DAB2: variants seen among roughly 807,000 people sequenced by gnomAD.
DAB2 encodes DAB adaptor protein 2, also known as disabled homolog 2.
A neutral mutation model predicts 71.6 loss-of-function variants in DAB2; 28 were observed. The observed-to-expected ratio is 0.39, with a 90% confidence interval of 0.29 to 0.54. The LOEUF (loss-of-function observed/expected upper bound fraction) is 0.54, where lower values mean the gene tolerates loss of function less well. Among genes scored for constraint, DAB2 ranks in the 20% least tolerant of loss-of-function variants. The pLI is 0.68. For missense variants in DAB2, 867 were observed against 928.8 expected (o/e 0.93, Z 0.86); for synonymous variants, 345 against 339.7 (o/e 1.02, Z -0.17).
At chr5:39,387,678 TC>T (rs1364562795) in intron 9 of DAB2, 3 of 122,408 alleles carry the variant, frequency 2.5e-5, no homozygotes, top group African/African-American at 9.5e-5. Context: ...TGGACCTCTT[TC>T]CTTTTTATTT....
chr5:39,413,134 T>C (rs3906413), intron 1 of DAB2, among the ~76,000 whole-genome samples: 144,275 of 152,198 alleles, frequency 0.95, 68,756 homozygotes, highest in African/African-American at 0.99. Flanking sequence ...TACAGGGACA[T>C]GGCATCAAAG....
At chr5:39,395,783 T>C (rs1396447584) in intron 1 of DAB2, among the ~76,000 whole-genome samples, 2 of 152,060 alleles carry the variant, frequency 1.3e-5, no homozygotes, top group Non-Finnish European at 2.9e-5. Context: ...TCTTACACAG[T>C]AGGAGACTCA....
chr5:39,382,528 C>T (rs905724163), intron 10 of DAB2, 90 bp downstream of exon 10: 112 of 1,355,696 alleles, frequency 8.3e-5, no homozygotes, highest in Admixed American at 3.9e-4. Flanking sequence ...CAGGAAACTA[C>T]GAGAGCAGCA....
At chr5:39,393,653 A>G (rs983695195) in intron 2 of DAB2, among the ~76,000 whole-genome samples, 9 of 151,938 alleles carry the variant, frequency 5.9e-5, no homozygotes, top group African/African-American at 2.2e-4. Flanking sequence ...GTATGGGAAT[A>G]TGGGAGGTGG....
At position 39,376,052 on chromosome 5, in the gene DAB2, T is replaced by C; in HGVS notation, c.2192A>G (p.Asp731Gly). 1 of 1,614,110 alleles carries C rather than the reference T, an allele frequency of 6.2e-7. No individual in the cohort carries two copies. The highest frequency in any genetic ancestry group is 8.5e-7 in the Non-Finnish European group (1 of 1,179,990). The change falls in exon 13 of 15, where the codon GAC becomes GGC. Residue 731 changes from aspartate (D) to glycine (G), a missense_variant. Around this residue, in one of 2 missense-constraint regions of DAB2, gnomAD observed 740 missense variants for 734.3 expected, o/e 1.01. Coordinates refer to ENST00000320816, the MANE Select transcript of DAB2 (RefSeq NM_001343.4). ...QVSLPVTKST[D>G]NAFENPFFKD... ...AAAGAAAGGGTTCTCAAATGCATTG[T>C]CAGTAGATTTGGTAACTGGCAGGGA...
At chr5:39,385,880 T>C (rs1380517501) in intron 9 of DAB2, among the ~76,000 whole-genome samples, 1 of 152,178 alleles carries the variant, frequency 6.6e-6, no homozygotes, top group Admixed American at 6.5e-5. Flanking sequence ...CCAACTATGA[T>C]CTATTTTCCT....
intron 1 of DAB2, among the ~76,000 whole-genome samples, chr5:39,414,857 T>A (rs1164432032): frequency 6.6e-6 from 1 of 152,132 alleles, no homozygotes; most frequent in Non-Finnish European, 1.5e-5. Flanking sequence ...CCTGGCCATC[T>A]GGTTATTGTT....
At position 39,377,160 on chromosome 5, in the gene DAB2, G is replaced by C. The variant is rs1361980228; in HGVS notation, c.1627C>G (p.Pro543Ala). The C allele has an allele frequency of 6.2e-7, 1 of 1,614,114 alleles. No homozygotes were observed. The highest frequency in any genetic ancestry group is 8.5e-7 in the Non-Finnish European group (1 of 1,180,010). ...MGGQPSGFSQ[P>A]VIFGTSPAVS... is the part of the protein sequence containing the mutation. ...GCTGGACTTGTACCAAAAATGACGG[G>C]CTGACTAAAACCTGAAGGTTGACCA... The change falls in exon 12 of 15, where the codon CCC becomes GCC. Residue 543 changes from proline (P) to alanine (A), a missense_variant. By Grantham distance (27) the Pro-to-Ala change is conservative (BLOSUM62 -1). Coordinates refer to ENST00000320816, the MANE Select transcript of DAB2 (RefSeq NM_001343.4).
rs764927440 is a variant in DAB2, at chr5:39,382,743, G to T, written c.1216C>A (p.Leu406Met). The T allele has an allele frequency of 2.5e-6, 4 of 1,614,176 alleles. No homozygotes were observed. In the South Asian group the frequency reaches 4.4e-5, roughly 18 times the overall value. Residue 406 changes from leucine (L) to methionine (M), a missense_variant, in exon 10 of 15, where the codon CTG (leucine) becomes ATG (methionine). Physicochemically the swap from Leu to Met is conservative, Grantham distance 15. Around this residue, in one of 2 missense-constraint regions of DAB2, gnomAD observed 740 missense variants for 734.3 expected, o/e 1.01. Coordinates refer to ENST00000320816, the MANE Select transcript of DAB2 (RefSeq NM_001343.4). ...NPFVGSPPKG[L>M]SIQNGVKQDL... is the part of the protein sequence containing the mutation. Reference sequence around the variant, plus strand: ...TGCTTTACGCCATTCTGTATGGACAGTCCTTTGGGAGGGCTTCCCACAAAA... The same window carrying T: ...TGCTTTACGCCATTCTGTATGGACATTCCTTTGGGAGGGCTTCCCACAAAA...
intron 1 of DAB2, among the ~76,000 whole-genome samples, chr5:39,405,323 C>T (rs973710247): frequency 6.6e-6 from 1 of 152,172 alleles, no homozygotes; most frequent in Admixed American, 6.5e-5. Flanking sequence ...GGAGAAGAAA[C>T]ATATTCCACC....
At chr5:39,402,205 C>T (rs1755520258) in intron 1 of DAB2, among the ~76,000 whole-genome samples, 1 of 152,090 alleles carries the variant, frequency 6.6e-6, no homozygotes, top group Non-Finnish European at 1.5e-5. Flanking sequence ...TTATGGGAGC[C>T]ACAGTTCAAG....
intron 9 of DAB2, among the ~76,000 whole-genome samples, chr5:39,386,577 A>G (rs1159054727): frequency 6.6e-6 from 1 of 152,234 alleles, no homozygotes; most frequent in African/African-American, 2.4e-5. Context: ...TAGTTTAACT[A>G]AAACTTGAAT....
At chr5:39,420,413 T>C (rs957885337) in intron 1 of DAB2, among the ~76,000 whole-genome samples, 31 of 152,176 alleles carry the variant, frequency 2.0e-4, no homozygotes, top group African/African-American at 7.0e-4. Context: ...TCTAGGATTG[T>C]TACTTCCTAT....
chr5:39,396,760 A>T (rs914462844), intron 1 of DAB2, among the ~76,000 whole-genome samples: 1 of 152,194 alleles, frequency 6.6e-6, no homozygotes, highest in Non-Finnish European at 1.5e-5. Flanking sequence ...GCAGCTTCCC[A>T]GTTTGGGGAG....
intron 8 of DAB2, 22 bp from the exon 9 acceptor site, chr5:39,388,389 G>A: frequency 6.5e-7 from 1 of 1,538,254 alleles, no homozygotes; most frequent in African/African-American, 1.4e-5. Context: ...ATTTGGATTA[G>A]ATTCAGATGT....
chr5:39,393,150 C>T (rs1023817691), intron 3 of DAB2, 104 bp downstream of exon 3: 6 of 1,167,862 alleles, frequency 5.1e-6, no homozygotes, highest in Non-Finnish European at 6.2e-6. Context: ...TGATTAAAAG[C>T]AGTTTTCAAG....
chr5:39,420,005 A>G (rs1370799616), intron 1 of DAB2, among the ~76,000 whole-genome samples: 2 of 152,228 alleles, frequency 1.3e-5, no homozygotes. Flanking sequence ...CCACTGAATT[A>G]TGAAAGTTAC....
chr5:39,385,072 A>G (rs994394990), intron 9 of DAB2: 9 of 152,154 alleles, frequency 5.9e-5, no homozygotes, highest in African/African-American at 2.2e-4. Context: ...ATGGTAATCT[A>G]TCTTTTGGAT....
At chr5:39,397,030 T>A (rs11959928) in intron 1 of DAB2, among the ~76,000 whole-genome samples, 58,964 of 152,098 alleles carry the variant, frequency 0.39, 11,802 homozygotes, top group Middle Eastern at 0.45. Flanking sequence ...TAAGGTGCGC[T>A]GGAGGGAAAC....
Sources: gnomAD v4.1 joint callset for allele counts (sites outside exome capture counted in the v4.1 genomes callset) on GRCh38, gnomAD v4.1.1 for gene constraint, gnomAD v4.1.1 regional missense constraint, MANE v1.5 for transcripts, NCBI Gene and HGNC (gene_info 2026-07-23, HGNC 2026-07-21) for gene names.